The following C8A variants were observed in gnomAD, a reference collection of about 807,000 sequenced individuals.
The protein encoded by C8A is complement C8 alpha chain.
A neutral mutation model predicts 65.3 loss-of-function variants in C8A; 67 were observed. That is an observed-to-expected ratio of 1.03 (90% confidence interval 0.84 to 1.26). C8A has a LOEUF of 1.26. Among genes scored for constraint, C8A ranks in the 50% most tolerant of loss-of-function variants. The probability of loss-of-function intolerance (pLI) is 0.00; values close to 1 mark genes in which losing one functional copy is unlikely to be tolerated. For missense variants in C8A, 781 were observed against 723.9 expected, an observed-to-expected ratio of 1.08 and a Z score of -0.90; for synonymous variants, 290 against 259.4, an observed-to-expected ratio of 1.12 and a Z score of -1.13.
chr1:56,885,399 A>T (rs1216636212), intron 6 of C8A, among the ~76,000 whole-genome samples: 24 of 109,024 alleles, frequency 2.2e-4, no homozygotes, highest in Non-Finnish European at 3.5e-4. Flanking sequence ...TATTTAAATA[A>T]ATATATATTT....
At chr1:56,877,455 C>T (rs1644209452) in intron 4 of C8A, among the ~76,000 whole-genome samples, 2 of 152,186 alleles carry the variant, frequency 1.3e-5, no homozygotes, top group South Asian at 4.1e-4. Flanking sequence ...AGGTGTCTAT[C>T]TGCCCAGGCT....
At position 56,883,658 on chromosome 1, in the gene C8A, G is replaced by T. The variant is rs777495880; in HGVS notation, c.832G>T (p.Glu278Ter). 6.2e-7 allele frequency: 1 copy of T among 1,613,542 alleles called. No individual in the cohort carries two copies. The highest frequency in any genetic ancestry group is 1.7e-5 in the Admixed American group (1 of 59,948). The change falls in exon 6 of 11, where the codon GAA becomes TAA. Residue 278 changes from glutamate to a stop codon, truncating the protein, a stop_gained. Coordinates refer to ENST00000361249, the MANE Select transcript of C8A (RefSeq NM_000562.3). LOFTEE classifies it high-confidence loss of function. ...SHSQDTSFLN[E>*]LNKYNEKKFI... Reference sequence around the variant, plus strand: ...CTCACAAGACACTTCATTCTTGAACGAATTAAACAAGTATAATGAGAAGGT... The same window carrying T: ...CTCACAAGACACTTCATTCTTGAACTAATTAAACAAGTATAATGAGAAGGT...
chr1:56,869,680 T>G (rs1313114443), intron 2 of C8A, among the ~76,000 whole-genome samples: 1 of 152,204 alleles, frequency 6.6e-6, no homozygotes, highest in African/African-American at 2.4e-5. Flanking sequence ...ACATCTATTA[T>G]GTTTTGATTT....
intron 8 of C8A, among the ~76,000 whole-genome samples, chr1:56,907,008 G>A (rs1320297544): frequency 1.3e-5 from 2 of 151,886 alleles, no homozygotes; most frequent in Non-Finnish European, 2.9e-5. Context: ...ACCTTTATAC[G>A]GGGCACCCTC....
chr1:56,876,326 T>C, intron 4 of C8A, 117 bp downstream of exon 4: 1 of 1,197,770 alleles, frequency 8.3e-7, no homozygotes, highest in Non-Finnish European at 1.2e-6. Context: ...GTGCATGCTG[T>C]GAGCTGCTCT....
intron 1 of C8A, among the ~76,000 whole-genome samples, chr1:56,864,147 T>C (rs1308969838): frequency 1.3e-5 from 2 of 150,764 alleles, no homozygotes; most frequent in Non-Finnish European, 1.5e-5. Flanking sequence ...ATGAAGGAGG[T>C]TTTCAACCAG....
chr1:56,916,101 G>C (rs1363186511), intron 10 of C8A, among the ~76,000 whole-genome samples: 1 of 152,230 alleles, frequency 6.6e-6, no homozygotes, highest in Non-Finnish European at 1.5e-5. Flanking sequence ...TCCAGTGCCA[G>C]GCTCAGTGGC....
intron 9 of C8A, among the ~76,000 whole-genome samples, chr1:56,911,672 C>A (rs764505759): frequency 2.0e-5 from 3 of 152,206 alleles, no homozygotes; most frequent in Non-Finnish European, 4.4e-5. Flanking sequence ...AATTATCCAA[C>A]TTGATACGCA....
chr1:56,887,741 C>T (rs528600679), intron 7 of C8A, among the ~76,000 whole-genome samples: 1 of 152,234 alleles, frequency 6.6e-6, no homozygotes, highest in Non-Finnish European at 1.5e-5. Flanking sequence ...ATCAAATGTC[C>T]CTCAATAATA....
intron 10 of C8A, among the ~76,000 whole-genome samples, chr1:56,914,067 G>A (rs780911695): frequency 5.3e-5 from 8 of 150,614 alleles, no homozygotes; most frequent in African/African-American, 7.3e-5. Flanking sequence ...GAAGTGGGAA[G>A]GCTCAAACCT....
intron 7 of C8A, among the ~76,000 whole-genome samples, chr1:56,890,205 A>G (rs755105028): frequency 1.5e-4 from 23 of 151,960 alleles, no homozygotes; most frequent in Non-Finnish European, 2.9e-4. Context: ...TCGTCTCCCA[A>G]TGCTCTCTTC....
In C8A at chr1:56,874,809, T is replaced by A; in HGVS notation, c.172-140T>A. ...ATACACCACTGTTTATGCATATTCATCCCTCAAAAGACAGCTTCACAGGCA... is the reference window on the plus strand; with the variant it reads ...ATACACCACTGTTTATGCATATTCAACCCTCAAAAGACAGCTTCACAGGCA... On this transcript the variant is annotated intron_variant, in intron 2 of 10. Transcript: ENST00000361249. 3.3e-6 allele frequency: 3 copies of A among 914,078 alleles called. No homozygotes were observed. The South Asian group carries it at 4.3e-5, about 13-fold the overall frequency. 56.6% of individuals were successfully genotyped at this position (914,078 alleles called of 1,614,324 possible). A position where few individuals can be genotyped will look rare whatever the true frequency, so the allele number is the denominator to read the frequency against.
In C8A at chr1:56,870,369, T is replaced by C. The variant is rs562539570; in HGVS notation, c.171+2667T>C. Reference sequence around the variant, plus strand: ...AATATTTGCCTCTTCCAGCTTTTGGTGGCATTGACAATCCTTACCTTGTGG... The same window carrying C: ...AATATTTGCCTCTTCCAGCTTTTGGCGGCATTGACAATCCTTACCTTGTGG... On this transcript the variant is annotated intron_variant, in intron 2 of 10. Transcript: ENST00000361249. 4.6e-5 allele frequency among the ~76,000 whole-genome samples: 7 copies of C among 152,230 alleles called. No homozygotes were observed. In the South Asian group the frequency reaches 8.3e-4, roughly 18 times the overall value.
intron 4 of C8A, among the ~76,000 whole-genome samples, chr1:56,879,096 C>G (rs888229292): frequency 1.3e-5 from 2 of 152,142 alleles, no homozygotes; most frequent in Admixed American, 6.6e-5. Context: ...ACAGCTTTTA[C>G]CCTGCGATGA....
chr1:56,913,130 C>T (rs914956960), intron 10 of C8A, among the ~76,000 whole-genome samples: 16 of 152,104 alleles, frequency 1.1e-4, no homozygotes, highest in African/African-American at 7.3e-5. Context: ...CCTCTGTCTT[C>T]GTGTGGCATT....
intron 1 of C8A, among the ~76,000 whole-genome samples, chr1:56,860,337 T>C (rs1486694089): frequency 1.3e-5 from 2 of 152,140 alleles, no homozygotes; most frequent in African/African-American, 4.8e-5. Flanking sequence ...CAGAGAAATG[T>C]GCCTTAAGAA....
At chr1:56,900,796 G>A (rs1219506588) in intron 7 of C8A, among the ~76,000 whole-genome samples, 1 of 152,148 alleles carries the variant, frequency 6.6e-6, no homozygotes, top group Admixed American at 6.5e-5. Context: ...CACATGCCAG[G>A]CTCTGTGCAG....
intron 7 of C8A, among the ~76,000 whole-genome samples, chr1:56,891,914 C>A (rs1191948032): frequency 6.6e-6 from 1 of 152,122 alleles, no homozygotes; most frequent in African/African-American, 2.4e-5. Context: ...TTTGTCTCTT[C>A]TGCAGACTAT....
At chr1:56,866,873 A>G (rs1644094446) in intron 1 of C8A, among the ~76,000 whole-genome samples, 1 of 152,196 alleles carries the variant, frequency 6.6e-6, no homozygotes, top group Non-Finnish European at 1.5e-5. Flanking sequence ...TGGCTGATTC[A>G]TAAAATGAGG....
Sources: allele counts gnomAD v4.1 joint callset (sites outside exome capture counted in the v4.1 genomes callset), GRCh38; gene constraint gnomAD v4.1.1; transcripts MANE v1.5; gene names NCBI Gene and HGNC (gene_info 2026-07-23, HGNC 2026-07-21).